USP34: variants seen among roughly 807,000 people sequenced by gnomAD.
The protein encoded by USP34 is ubiquitin specific peptidase 34.
USP34 carries 70 observed loss-of-function variants against 460.3 expected under a neutral mutation model. The observed-to-expected ratio is 0.15, with a 90% confidence interval of 0.13 to 0.19. USP34 has a LOEUF of 0.19. Ranked by LOEUF, USP34 falls within the 10% of genes least tolerant of loss-of-function variation. USP34 has a pLI of 1.00. For synonymous variants in USP34, 1,647 were observed against 1,405.3 expected (o/e 1.17, Z -3.85); for missense variants, 3,985 against 4,236.2 (o/e 0.94, Z 1.65).
At position 61,298,232 on chromosome 2, in the gene USP34, A is replaced by C. The variant is rs556013726; in HGVS notation, c.4129-1307T>G. ...CCTGCCAAAAATAAGATTCAATAAA[A>C]TATCTGCAGCTGGGTGCAGTGGCTC... is the stretch of plus-strand genomic sequence containing the variant. On this transcript the variant is annotated intron_variant, in intron 29 of 79. Coordinates refer to ENST00000398571, the MANE Select transcript of USP34 (RefSeq NM_014709.4). Among the ~76,000 whole-genome samples the C allele has an allele frequency of 9.9e-5, 15 of 151,812 alleles. No homozygotes were observed. The South Asian group carries it at 2.9e-3, about 30-fold the overall frequency.
rs970260421 is a variant in USP34, at chr2:61,264,851, T to G, written c.5778+546A>C. Among the ~76,000 whole-genome samples, 2 of 151,970 alleles carry G rather than the reference T, an allele frequency of 1.3e-5. 1 individual carries two copies. The highest frequency in any genetic ancestry group is 2.9e-5 in the Non-Finnish European group (2 of 67,990). ...CCAGCCTGGTCAACACAGAGAGACC[T>G]CATCTCTATTTATTATTTTAAAAAA... On this transcript the variant is annotated intron_variant, in intron 43 of 79. Transcript: ENST00000398571.
chr2:61,279,974 A>C (rs1438000984), intron 39 of USP34, among the ~76,000 whole-genome samples: 3 of 152,232 alleles, frequency 2.0e-5, no homozygotes. Context: ...TCCCTTTCCA[A>C]ATAAGATGTT....
chr2:61,452,905 C>CAAAAAAAA (rs57925421), intron 1 of USP34, among the ~76,000 whole-genome samples: 6 of 127,132 alleles, frequency 4.7e-5, no homozygotes, highest in African/African-American at 9.0e-5. Flanking sequence ...ACCCCACAAC[C>CAAAAAAAA]AAAAAAAAAA....
chr2:61,397,305 T>C (rs1693558788), intron 3 of USP34, among the ~76,000 whole-genome samples: 1 of 151,404 alleles, frequency 6.6e-6, no homozygotes, highest in Non-Finnish European at 1.5e-5. Flanking sequence ...TAGCCAGGTG[T>C]GATGGTAGGC....
At position 61,206,113 on chromosome 2, in the gene USP34, C is replaced by G. The variant is rs756984037; in HGVS notation, c.9058G>C (p.Ala3020Pro). The G allele has an allele frequency of 6.2e-7, 1 of 1,613,488 alleles. No individual in the cohort carries two copies. The highest frequency in any genetic ancestry group is 8.5e-7 in the Non-Finnish European group (1 of 1,179,610). The change falls in exon 72 of 80, where the codon GCA becomes CCA. Residue 3020 changes from alanine (A) to proline (P), a missense_variant. Transcript: ENST00000398571. The stretch of plus-strand genomic sequence containing the variant: ...ATTCGCTCCTGCCACTGGATTAATG[C>G]TTGTTTCACATCTGCAAATATAAAA... ...PYLQRKDVKQALIQWQERIEF... is the reference protein window; with the variant it reads ...PYLQRKDVKQPLIQWQERIEF...
At chr2:61,417,724 TTTTTTTC>T (rs1412806512) in intron 2 of USP34, among the ~76,000 whole-genome samples, 11 of 134,900 alleles carry the variant, frequency 8.2e-5, no homozygotes, top group Non-Finnish European at 1.1e-4. Flanking sequence ...AAAATCTTTT[TTTTTTTC>T]TTTTTTTCTT....
chr2:61,235,875 T>C lies in USP34; in HGVS notation c.7002A>G (p.Lys2334=). 6.2e-7 allele frequency: 1 copy of C among 1,613,868 alleles called. No individual in the cohort carries two copies. The highest frequency in any genetic ancestry group is 8.5e-7 in the Non-Finnish European group (1 of 1,179,930). The change falls in exon 57 of 80, where the codon AAA becomes AAG. Residue 2334 remains lysine (K), a synonymous_variant. Coordinates refer to ENST00000398571, the MANE Select transcript of USP34 (RefSeq NM_014709.4). ...AAGCTGCCTGACTATTATTAAACTG[T>C]TTCGTCAACAGTTCAATCCACTGAA... The part of the protein sequence containing the change: ...TMLQWIELLT[K]QFNNSQAACE...
intron 48 of USP34, among the ~76,000 whole-genome samples, chr2:61,254,054 T>C (rs1026791874): frequency 6.6e-6 from 1 of 152,210 alleles, no homozygotes; most frequent in African/African-American, 2.4e-5. Context: ...ACTTTAAAAA[T>C]CAATGATTTA....
At chr2:61,203,300 T>C (rs1003993439) in intron 74 of USP34, 37 bp from the exon 75 acceptor site, 1 of 1,468,682 alleles carries the variant, frequency 6.8e-7, no homozygotes, top group Non-Finnish European at 9.0e-7. Flanking sequence ...TGCACTTAAA[T>C]TGTATAATAA....
intron 19 of USP34, among the ~76,000 whole-genome samples, chr2:61,332,461 T>C (rs1479760210): frequency 6.6e-6 from 1 of 151,622 alleles, no homozygotes; most frequent in African/African-American, 2.4e-5. Context: ...GCTAAAAGAG[T>C]TTCAACTCAA....
At chr2:61,192,451 T>C (rs989272575) in intron 76 of USP34, among the ~76,000 whole-genome samples, 5 of 152,176 alleles carry the variant, frequency 3.3e-5, no homozygotes, top group African/African-American at 1.2e-4. Context: ...AGAAAACAAG[T>C]GCATCAGACC....
intron 10 of USP34, among the ~76,000 whole-genome samples, chr2:61,369,763 GAAAA>G (rs757054089): frequency 9.0e-6 from 1 of 110,636 alleles, no homozygotes; most frequent in Admixed American, 9.0e-5. Context: ...AATTAAGAAA[GAAAA>G]AAAAAAAAGT....
chr2:61,384,724 T>C (rs1000782310), intron 5 of USP34, among the ~76,000 whole-genome samples: 2 of 152,076 alleles, frequency 1.3e-5, no homozygotes, highest in Admixed American at 1.3e-4. Flanking sequence ...ATTCAGAATG[T>C]AGGGATTCAC....
At chr2:61,469,880 A>G (rs968082000) in intron 1 of USP34, among the ~76,000 whole-genome samples, 2 of 152,218 alleles carry the variant, frequency 1.3e-5, no homozygotes, top group Admixed American at 6.5e-5. Flanking sequence ...AAAAGGCCAG[A>G]AAAGATCAAC....
chr2:61,249,490 A>G lies in USP34; in HGVS notation c.6222-807T>C, dbSNP rs201350850. Among the ~76,000 whole-genome samples the G allele has an allele frequency of 1.4e-4, 22 of 152,352 alleles. No homozygotes were observed. In the East Asian group the frequency reaches 4.2e-3, roughly 29 times the overall value. On this transcript the variant is annotated intron_variant, in intron 48 of 79. Transcript: ENST00000398571. ...GAAATTTTCTATGTAATATTTTCAG[A>G]CCTTGCCTGTCTGCAGGTAACAAAC...
chr2:61,445,534 C>CAAAAAA (rs35610519), intron 1 of USP34, among the ~76,000 whole-genome samples: 1 of 107,848 alleles, frequency 9.3e-6, no homozygotes, highest in Non-Finnish European at 1.9e-5. Context: ...GACTCCGTCT[C>CAAAAAA]AAAAAAAAAA....
chr2:61,335,206 C>T (rs902880224), intron 18 of USP34, among the ~76,000 whole-genome samples: 7 of 152,072 alleles, frequency 4.6e-5, no homozygotes, highest in African/African-American at 7.2e-5. Context: ...ATATAAAACT[C>T]GTTCCAATAA....
At chr2:61,450,570 C>T (rs1183760671) in intron 1 of USP34, among the ~76,000 whole-genome samples, 5 of 151,648 alleles carry the variant, frequency 3.3e-5, no homozygotes, top group South Asian at 2.1e-4. Context: ...GAGACCAGCC[C>T]GGCCAACATG....
At chr2:61,339,740 C>A (rs949205004) in intron 16 of USP34, 59 bp from the exon 17 acceptor site, 4 of 891,524 alleles carry the variant, frequency 4.5e-6, no homozygotes, top group East Asian at 5.9e-5. Flanking sequence ...CTGATTATAG[C>A]ATTCATATGG....
Sources: allele counts gnomAD v4.1 joint callset (sites outside exome capture counted in the v4.1 genomes callset), GRCh38; gene constraint gnomAD v4.1.1; transcripts MANE v1.5; gene names NCBI Gene and HGNC (gene_info 2026-07-23, HGNC 2026-07-21).